The following TTC5 variants were observed in gnomAD, a reference collection of about 807,000 sequenced individuals.
TTC5 encodes tetratricopeptide repeat domain 5.
In TTC5, 46 loss-of-function variants were observed where a neutral mutation model predicts 57.4. The observed-to-expected ratio is 0.80, with a 90% CI of 0.63 to 1.03. The LOEUF is 1.03. Ranked by LOEUF, TTC5 falls within the 50% of genes least tolerant of loss-of-function variation. The pLI, the probability that TTC5 is intolerant of heterozygous loss-of-function variation, is 0.00. For synonymous variants in TTC5, 190 were observed against 203.5 expected (o/e 0.93, Z 0.57); for missense variants, 504 against 528.1 (o/e 0.95, Z 0.45).
rs765920251 is a variant in TTC5 at position 20,288,167 on chromosome 14, C to A, written c.*1460G>T. The A allele has an allele frequency of 7.5e-5, 11 of 147,646 alleles. No homozygotes were observed. Among genetic ancestry groups the A allele is most frequent in the Non-Finnish European group, 1.5e-4 (10 of 66,564 alleles). 9.1% of individuals were successfully genotyped at this position (147,646 alleles called of 1,614,324 possible). ...ATCTTATTAGACTCAGCCTTTATGA[C>A]TTCTTAGATAGAGACAGATAGATAG... On this transcript the variant is annotated 3_prime_UTR_variant, in exon 10 of 10. Transcript: ENST00000258821.
chr14:20,290,824 T>G (rs997527571), intron 9 of TTC5, among the ~76,000 whole-genome samples: 18 of 152,206 alleles, frequency 1.2e-4, no homozygotes, highest in Middle Eastern at 3.2e-3. Flanking sequence ...AAGGGACAGA[T>G]AGTAAATATT....
At chr14:20,299,028 A>G in intron 4 of TTC5, 140 bp from the exon 5 acceptor site, 1 of 748,900 alleles carries the variant, frequency 1.3e-6, no homozygotes, top group Non-Finnish European at 2.2e-6. Context: ...TATACCCAAA[A>G]CTCCACTAGG....
chr14:20,290,024 C>T (rs866444162), intron 9 of TTC5, among the ~76,000 whole-genome samples: 29 of 152,294 alleles, frequency 1.9e-4, no homozygotes, highest in South Asian at 2.1e-4. Flanking sequence ...CCTGGCATTG[C>T]CTAACAAAAG....
At chr14:20,297,939 G>A (rs1316249832) in intron 5 of TTC5, among the ~76,000 whole-genome samples, 4 of 152,106 alleles carry the variant, frequency 2.6e-5, no homozygotes, top group Admixed American at 2.6e-4. Context: ...GCAGTTTAAA[G>A]TCAAAGGTAG....
At chr14:20,296,275 C>A in intron 6 of TTC5, 115 bp downstream of exon 6, 1 of 838,852 alleles carries the variant, frequency 1.2e-6, no homozygotes, top group Non-Finnish European at 2.0e-6. Context: ...GCATGGCTTT[C>A]CTCTCGCAGT....
intron 9 of TTC5, 32 bp downstream of exon 9, chr14:20,291,951 C>G (rs370695702): frequency 6.6e-7 from 1 of 1,513,906 alleles, no homozygotes; most frequent in Middle Eastern, 1.8e-4. Context: ...TTAGAGCCTA[C>G]GAGTTGTAAG....
intron 1 of TTC5, among the ~76,000 whole-genome samples, chr14:20,304,744 T>G (rs28436279): frequency 0.13 from 20,219 of 152,250 alleles, 1,403 homozygotes; most frequent in Middle Eastern, 0.22. Flanking sequence ...ATTAAGAGTT[T>G]TAGAGAAGGG....
intron 1 of TTC5, among the ~76,000 whole-genome samples, chr14:20,303,960 T>C (rs1244964996): frequency 6.6e-6 from 1 of 152,228 alleles, no homozygotes; most frequent in Non-Finnish European, 1.5e-5. Context: ...AGGTCAAATA[T>C]CAATTCCAGA....
intron 1 of TTC5, among the ~76,000 whole-genome samples, chr14:20,303,213 C>T (rs1276154737): frequency 2.0e-5 from 3 of 151,240 alleles, no homozygotes; most frequent in African/African-American, 4.9e-5. Flanking sequence ...AAAAGAGTCT[C>T]GTAGGTTGCC....
At chr14:20,302,028 GGCTA>G in intron 1 of TTC5, 63 bp from the exon 2 acceptor site, 1 of 1,581,172 alleles carries the variant, frequency 6.3e-7, no homozygotes, top group Non-Finnish European at 8.7e-7. Context: ...ACTTGAAATT[GGCTA>G]GCCATACCAG....
chr14:20,291,315 T>G (rs1391542783), intron 9 of TTC5, among the ~76,000 whole-genome samples: 1 of 152,144 alleles, frequency 6.6e-6, no homozygotes, highest in Non-Finnish European at 1.5e-5. Context: ...ACCTTGGCCT[T>G]CCAAAGTGCT....
intron 8 of TTC5, chr14:20,294,153 AG>A (rs753843299): frequency 6.6e-6 from 1 of 152,240 alleles, no homozygotes; most frequent in Non-Finnish European, 1.5e-5. Flanking sequence ...CCTTCTACAC[AG>A]TATGTCAGGC....
chr14:20,298,804 G>A lies in TTC5; in HGVS notation c.632C>T (p.Ala211Val), dbSNP rs1253180506. 6.2e-7 allele frequency: 1 copy of A among 1,612,142 alleles called. No homozygotes were observed. The highest frequency in any genetic ancestry group is 1.1e-5 in the South Asian group (1 of 91,024). ...KISQQALSAY[A>V]QAEKVDRKAS... ...GTGACCATAAGTACTTACTGCTTGG[G>A]CATAGGCACTGAGGGCTTGCTGGGA... The change falls in exon 5 of 10, where the codon GCC becomes GTC. Residue 211 changes from alanine to valine, a missense_variant. By Grantham distance (64) the Ala-to-Val change is moderately conservative (BLOSUM62 0). Transcript: ENST00000258821.
Position 20,287,551 on chromosome 14 carries a change from T to C in TTC5, c.*2076A>G, listed in dbSNP as rs558036356. On this transcript the variant is annotated 3_prime_UTR_variant, in exon 10 of 10. Coordinates refer to ENST00000258821, the MANE Select transcript of TTC5 (RefSeq NM_138376.3). ...TATGCAAGGGCTTCCAAGTTATCAA[T>C]GATGTTCTAGTTTTTAAGGCAGGTG... The C allele has an allele frequency of 2.0e-5, 3 of 152,184 alleles. No homozygotes were observed. Among genetic ancestry groups the C allele is most frequent in the Non-Finnish European group, 2.9e-5 (2 of 68,028 alleles). 9.4% of individuals were successfully genotyped at this position (152,184 alleles called of 1,614,324 possible). A position where few individuals can be genotyped will look rare whatever the true frequency, so the allele number is the denominator to read the frequency against.
At chr14:20,293,119 T>C (rs1218438098) in intron 8 of TTC5, 1 of 152,208 alleles carries the variant, frequency 6.6e-6, no homozygotes, top group Admixed American at 6.5e-5. Context: ...GACTGCATGC[T>C]AAAGTATGTA....
intron 3 of TTC5, 95 bp from the exon 4 acceptor site, chr14:20,299,543 C>G: frequency 3.4e-6 from 5 of 1,452,450 alleles, no homozygotes; most frequent in Non-Finnish European, 4.8e-6. Flanking sequence ...AATTTTTTAC[C>G]TTTCTAAGTT....
At chr14:20,293,267 T>C (rs1881995665) in intron 8 of TTC5, 1 of 152,190 alleles carries the variant, frequency 6.6e-6, no homozygotes, top group Admixed American at 6.5e-5. Flanking sequence ...TCTTTCAACT[T>C]AGCTATATGT....
In TTC5 at chr14:20,301,913, CTA is replaced by C. The variant is rs1219062280; in HGVS notation, c.102_103del (p.His34GlnfsTer3). ...TTGCTTCCTCCCAGCATCCTCAACACTATGTGTCTCGAAATAGCAGTCTCGAA... is the reference window on the plus strand; with the variant it reads ...TTGCTTCCTCCCAGCATCCTCAACACTGTGTCTCGAAATAGCAGTCTCGAA... On this transcript the variant is annotated frameshift_variant, in exon 2 of 10. Coordinates refer to ENST00000258821, the MANE Select transcript of TTC5 (RefSeq NM_138376.3). LOFTEE classifies it high-confidence loss of function. The C allele has an allele frequency of 3.7e-6, 6 of 1,613,988 alleles. No individual in the cohort carries two copies. Among genetic ancestry groups the C allele is most frequent in the Non-Finnish European group, 8.5e-7 (1 of 1,180,020 alleles).
In TTC5 at chr14:20,300,674, C is replaced by T. The variant is rs762286125; in HGVS notation, c.329G>A (p.Gly110Asp). 2 of 1,614,180 alleles carry T rather than the reference C, an allele frequency of 1.2e-6. No homozygotes were observed. Among genetic ancestry groups the T allele is most frequent in the Non-Finnish European group, 1.7e-6 (2 of 1,180,034 alleles). The change falls in exon 3 of 10, where the codon GGT becomes GAT. Residue 110 changes from glycine to aspartate, a missense_variant. Transcript: ENST00000258821. ...PELVEAWNQL[G>D]EVYWKKGDVA... The stretch of plus-strand genomic sequence containing the variant: ...ATCCCCTTTTTTCCAGTACACCTCA[C>T]CCAGCTGGTTCCAGGCTTCCACCAG...
Sources: gnomAD v4.1 joint callset for allele counts (sites outside exome capture counted in the v4.1 genomes callset) on GRCh38, gnomAD v4.1.1 for gene constraint, MANE v1.5 for transcripts, NCBI Gene and HGNC (gene_info 2026-07-23, HGNC 2026-07-21) for gene names.